Variants in SLC4A7 observed in about 807,000 individuals in gnomAD.
The protein encoded by SLC4A7 is sodium bicarbonate cotransporter 3.
A neutral mutation model predicts 137.6 loss-of-function variants in SLC4A7; 51 were observed. That is an observed-to-expected ratio of 0.37 (90% confidence interval 0.30 to 0.47). The LOEUF is 0.47. Ranked by LOEUF, SLC4A7 falls within the 20% of genes least tolerant of loss-of-function variation. The pLI, the probability that SLC4A7 is intolerant of heterozygous loss-of-function variation, is 1.00. For synonymous variants in SLC4A7, 542 were observed against 518.6 expected (o/e 1.05, Z -0.61); for missense variants, 1,247 against 1,525.4 (o/e 0.82, Z 3.04).
chr3:27,470,796 G>T (rs1450640801), intron 1 of SLC4A7, among the ~76,000 whole-genome samples: 2 of 151,980 alleles, frequency 1.3e-5, no homozygotes, highest in Non-Finnish European at 2.9e-5. Flanking sequence ...CAAAAAATTA[G>T]CTGGGCGTGG....
At chr3:27,408,631 T>C (rs1435637462) in intron 13 of SLC4A7, among the ~76,000 whole-genome samples, 1 of 152,200 alleles carries the variant, frequency 6.6e-6, no homozygotes, top group Non-Finnish European at 1.5e-5. Flanking sequence ...CACTTAAGAA[T>C]TACAAATCGT....
chr3:27,461,432 C>CA (rs2058690399), intron 1 of SLC4A7, among the ~76,000 whole-genome samples: 1 of 151,422 alleles, frequency 6.6e-6, no homozygotes, highest in East Asian at 1.9e-4. Flanking sequence ...AACAAACAAA[C>CA]AGATTCATTT....
At position 27,459,251 on chromosome 3, in the gene SLC4A7, CAAAAT is replaced by C. The variant is rs567393624; in HGVS notation, c.61-6758_61-6754del. Among the ~76,000 whole-genome samples the C allele has an allele frequency of 1.1e-3, 163 of 152,216 alleles. 3 individuals are homozygous for C. The South Asian group carries it at 0.014, about 13-fold the overall frequency. On this transcript the variant is annotated intron_variant, in intron 1 of 25. Transcript: ENST00000454389. Reference sequence around the variant, plus strand: ...ACTTTTTAATTTCCCAAATACAAAACAAAATATTATACACCAAAATACGAAAGACA... The same window carrying C: ...ACTTTTTAATTTCCCAAATACAAAACATTATACACCAAAATACGAAAGACA...
chr3:27,409,632 T>A (rs2053712126), intron 12 of SLC4A7, 102 bp from the exon 13 acceptor site: 2 of 794,842 alleles, frequency 2.5e-6, no homozygotes, highest in Admixed American at 5.5e-5. Context: ...CCTAGGTGTT[T>A]TGTCAACAAA....
intron 8 of SLC4A7, 153 bp downstream of exon 8, chr3:27,423,884 T>C: frequency 1.8e-6 from 1 of 558,626 alleles, no homozygotes; most frequent in East Asian, 3.1e-5. Context: ...GTTTTTACCT[T>C]AAATTAACAT....
chr3:27,415,085 G>A (rs1369255310), intron 11 of SLC4A7, among the ~76,000 whole-genome samples: 1 of 152,154 alleles, frequency 6.6e-6, no homozygotes, highest in African/African-American at 2.4e-5. Flanking sequence ...AGCATCTAAT[G>A]TATCAAGACT....
intron 1 of SLC4A7, among the ~76,000 whole-genome samples, chr3:27,473,888 GACTATC>G (rs1482957784): frequency 1.3e-5 from 2 of 151,816 alleles, no homozygotes; most frequent in East Asian, 3.9e-4. Context: ...AAATTTAGAA[GACTATC>G]ACTTTACCCA....
Position 27,397,762 on chromosome 3 carries a change from G to T in SLC4A7, c.2625C>A (p.Leu875=), listed in dbSNP as rs900616375. ...RSTISDFAVF[L]TIVIMVTIDY... is the part of the protein sequence containing the mutation. ...CAATTGTAACCATTATTACTATTGT[G>T]AGAAATACAGCAAAATCACTGATTG... The change falls in exon 18 of 26, where the codon CTC becomes CTA. Residue 875 remains leucine, a synonymous_variant. Transcript: ENST00000454389. The T allele has an allele frequency of 3.1e-6, 5 of 1,606,996 alleles. No homozygotes were observed. The highest frequency in any genetic ancestry group is 4.3e-6 in the Non-Finnish European group (5 of 1,175,224).
intron 1 of SLC4A7, among the ~76,000 whole-genome samples, chr3:27,476,021 A>G (rs1213098569): frequency 2.0e-5 from 3 of 152,246 alleles, no homozygotes; most frequent in African/African-American, 4.8e-5. Context: ...CATAATTTCA[A>G]ACCAATACAT....
intron 1 of SLC4A7, among the ~76,000 whole-genome samples, chr3:27,471,656 G>C (rs1484722374): frequency 6.6e-6 from 1 of 152,194 alleles, no homozygotes; most frequent in African/African-American, 2.4e-5. Context: ...ACAGGCGTGA[G>C]CCACCGCGCC....
intron 1 of SLC4A7, among the ~76,000 whole-genome samples, chr3:27,475,864 G>A (rs2059440806): frequency 6.6e-6 from 1 of 152,182 alleles, no homozygotes; most frequent in African/African-American, 2.4e-5. Flanking sequence ...TACAGCACCT[G>A]TATAAACATT....
At position 27,374,392 on chromosome 3, in the gene SLC4A7, G is replaced by A. The variant is rs936066941; in HGVS notation, c.*2372C>T. 2.0e-5 allele frequency: 3 copies of A among 152,380 alleles called. No homozygotes were observed. Among genetic ancestry groups the A allele is most frequent in the Non-Finnish European group, 4.4e-5 (3 of 67,898 alleles). 9.4% of individuals were successfully genotyped at this position (152,380 alleles called of 1,614,324 possible). On this transcript the variant is annotated 3_prime_UTR_variant, in exon 26 of 26. Transcript: ENST00000454389. Reference sequence around the variant, plus strand: ...CTACTGCTTACATACACTTATTTAAGGCAACTTTATTTAAAAATCAATATA... The same window carrying A: ...CTACTGCTTACATACACTTATTTAAAGCAACTTTATTTAAAAATCAATATA...
intron 1 of SLC4A7, among the ~76,000 whole-genome samples, chr3:27,453,930 CAG>C (rs1290045813): frequency 6.6e-6 from 1 of 152,066 alleles, no homozygotes; most frequent in African/African-American, 2.4e-5. Context: ...ATATAGGTAA[CAG>C]AGATATTAAA....
chr3:27,421,822 T>C, intron 8 of SLC4A7, 43 bp from the exon 9 acceptor site: 1 of 1,487,914 alleles, frequency 6.7e-7, no homozygotes, highest in Non-Finnish European at 9.3e-7. Context: ...TCCGTGGTAT[T>C]TGTAAGACTA....
In SLC4A7 at chr3:27,479,194, C is replaced by T. The variant is rs186251536; in HGVS notation, c.60+4873G>A. Among the ~76,000 whole-genome samples the T allele has an allele frequency of 2.1e-4, 32 of 152,240 alleles. No individual in the cohort carries two copies. The East Asian group carries it at 6.0e-3, about 28-fold the overall frequency. The stretch of plus-strand genomic sequence containing the variant: ...CTTTGGGGGGCAGAGGAGGGTGGAT[C>T]GCTTGAGCCAAGGAGTTCGACATCA... On this transcript the variant is annotated intron_variant, in intron 1 of 25. Transcript: ENST00000454389.
intron 1 of SLC4A7, among the ~76,000 whole-genome samples, chr3:27,480,123 A>G (rs1486579925): frequency 1.3e-5 from 2 of 152,250 alleles, no homozygotes; most frequent in African/African-American, 4.8e-5. Flanking sequence ...TTCAAATAAC[A>G]AGAGTCTAAT....
intron 11 of SLC4A7, among the ~76,000 whole-genome samples, chr3:27,415,279 C>G (rs948464846): frequency 6.6e-6 from 1 of 152,170 alleles, no homozygotes; most frequent in African/African-American, 2.4e-5. Context: ...ACTTCAGGAA[C>G]AATGCACTGA....
chr3:27,467,202 T>G (rs1210972347), intron 1 of SLC4A7, among the ~76,000 whole-genome samples: 1 of 152,310 alleles, frequency 6.6e-6, no homozygotes, highest in African/African-American at 2.4e-5. Flanking sequence ...ACAAACATTA[T>G]TTTTAATTCT....
rs1383775407 is a variant in SLC4A7, at chr3:27,421,794, A to G, written c.1267-15T>C. 96 of 1,591,108 alleles carry G rather than the reference A, an allele frequency of 6.0e-5. No homozygotes were observed. In the Admixed American group the frequency reaches 1.7e-3, roughly 27 times the overall value. ...TTCATATCAACCTATTGACAAATAA[A>G]TAATTAAAAATAAAGTTTCCGTGGT... On this transcript the variant is annotated splice_polypyrimidine_tract_variant and intron_variant, in intron 8 of 25. Transcript: ENST00000454389.
Sources: gnomAD v4.1 joint callset for allele counts (sites outside exome capture counted in the v4.1 genomes callset) on GRCh38, gnomAD v4.1.1 for gene constraint, MANE v1.5 for transcripts, NCBI Gene and HGNC (gene_info 2026-07-23, HGNC 2026-07-21) for gene names.